Variants in ATP9B observed in about 807,000 individuals in gnomAD.
ATP9B encodes probable phospholipid-transporting ATPase IIB.
ATP9B carries 110 observed loss-of-function variants against 146.1 expected under a neutral mutation model. The observed-to-expected ratio is 0.75, with a 90% CI of 0.65 to 0.88. The LOEUF (loss-of-function observed/expected upper bound fraction) is 0.88. ATP9B is among the 40% of genes least tolerant of loss of function. The pLI is 0.00. For synonymous variants in ATP9B, 604 were observed against 569.7 expected (o/e 1.06, Z -0.86); for missense variants, 1,499 against 1,496.4 (o/e 1.00, Z -0.03).
chr18:79,343,963 T>C, intron 20 of ATP9B: 2 of 461,864 alleles, frequency 4.3e-6, no homozygotes, highest in South Asian at 4.7e-5. Flanking sequence ...TATTAACTCA[T>C]AGGCACCCTT....
intron 8 of ATP9B, among the ~76,000 whole-genome samples, chr18:79,177,756 C>G (rs1186661856): frequency 2.0e-5 from 3 of 152,112 alleles, no homozygotes; most frequent in Admixed American, 6.5e-5. Context: ...CTCACATGGA[C>G]TTCATTAGCC....
At chr18:79,123,955 A>G (rs760860111) in intron 4 of ATP9B, among the ~76,000 whole-genome samples, 3 of 152,242 alleles carry the variant, frequency 2.0e-5, no homozygotes, top group Non-Finnish European at 4.4e-5. Context: ...AGTTAAAACC[A>G]GAGATACTAC....
chr18:79,128,305 G>A (rs1384695686), intron 5 of ATP9B, among the ~76,000 whole-genome samples: 1 of 152,076 alleles, frequency 6.6e-6, no homozygotes. Context: ...TGATCCACCC[G>A]CCTTGGCTTC....
At chr18:79,160,821 GAGTGC>G (rs1316270068) in intron 7 of ATP9B, among the ~76,000 whole-genome samples, 1 of 152,102 alleles carries the variant, frequency 6.6e-6, no homozygotes, top group African/African-American at 2.4e-5. Context: ...ACCCAGGCTG[GAGTGC>G]AGTGGCGCGA....
intron 6 of ATP9B, among the ~76,000 whole-genome samples, chr18:79,154,059 C>T (rs531626424): frequency 4.1e-4 from 62 of 151,084 alleles, no homozygotes; most frequent in African/African-American, 1.2e-3. Flanking sequence ...CCCGGGTTCA[C>T]GCCATTCTCC....
intron 7 of ATP9B, among the ~76,000 whole-genome samples, chr18:79,155,828 T>G (rs1364594651): frequency 7.0e-6 from 1 of 143,242 alleles, no homozygotes; most frequent in East Asian, 2.2e-4. Context: ...AGTGGTGCGA[T>G]CTCCGCTCAC....
At chr18:79,329,880 G>T (rs1337065037) in intron 16 of ATP9B, 132 bp from the exon 17 acceptor site, 2 of 768,342 alleles carry the variant, frequency 2.6e-6, no homozygotes, top group Admixed American at 4.2e-5. Flanking sequence ...AGAAACACGT[G>T]TGAGGAGCTT....
At chr18:79,346,186 C>T (rs1018803335) in intron 23 of ATP9B, among the ~76,000 whole-genome samples, 28 of 150,218 alleles carry the variant, frequency 1.9e-4, no homozygotes, top group Admixed American at 5.3e-4. Context: ...ACGTGCTCAG[C>T]GCACAGTCAG....
Position 79,097,956 on chromosome 18 carries a change from A to C in ATP9B, c.293+1307A>C, listed in dbSNP as rs554593238. ...AGATCCCTGAGGAATCGCCACACTG[A>C]CTTCCACAATGGTTGAACTAGTTTA... On this transcript the variant is annotated intron_variant, in intron 2 of 29. Transcript: ENST00000426216. Among the ~76,000 whole-genome samples, 10 of 152,138 alleles carry C rather than the reference A, an allele frequency of 6.6e-5. No individual in the cohort carries two copies. In the East Asian group the frequency reaches 1.9e-3, roughly 29 times the overall value.
At chr18:79,279,458 T>A (rs1050408991) in intron 13 of ATP9B, among the ~76,000 whole-genome samples, 1 of 152,164 alleles carries the variant, frequency 6.6e-6, no homozygotes, top group Non-Finnish European at 1.5e-5. Flanking sequence ...TAGCAAAATA[T>A]GAACAACCGT....
chr18:79,194,976 G>A (rs557310262), intron 9 of ATP9B, among the ~76,000 whole-genome samples: 5 of 152,252 alleles, frequency 3.3e-5, no homozygotes, highest in Admixed American at 6.5e-5. Flanking sequence ...TGGAAGTGAC[G>A]TTGGGGGAAT....
chr18:79,226,115 C>T (rs1391212564), intron 11 of ATP9B, among the ~76,000 whole-genome samples: 1 of 152,250 alleles, frequency 6.6e-6, no homozygotes, highest in African/African-American at 2.4e-5. Flanking sequence ...TCACCCAGTT[C>T]ACGACAGTGG....
chr18:79,215,210 A>G lies in ATP9B; in HGVS notation c.1107+1172A>G, dbSNP rs145650451. On this transcript the variant is annotated intron_variant, in intron 11 of 29. Coordinates refer to ENST00000426216, the MANE Select transcript of ATP9B (RefSeq NM_198531.5). ...TATTCCATTTTTTCAGGTAAATGTT[A>G]TTTTAAAAATGGTTAACTCTTCAAA... Among the ~76,000 whole-genome samples the G allele has an allele frequency of 2.4e-3, 359 of 151,484 alleles. 2 individuals are homozygous for G. Among genetic ancestry groups the G allele is most frequent in the South Asian group, 6.3e-3 (30 of 4,780 alleles).
At chr18:79,271,882 A>C (rs935476160) in intron 12 of ATP9B, among the ~76,000 whole-genome samples, 1 of 152,108 alleles carries the variant, frequency 6.6e-6, no homozygotes, top group Non-Finnish European at 1.5e-5. Context: ...CTATTTCTCC[A>C]CATCCTCTCC....
chr18:79,346,440 C>T (rs2096888234), intron 23 of ATP9B, among the ~76,000 whole-genome samples: 1 of 151,374 alleles, frequency 6.6e-6, no homozygotes, highest in African/African-American at 2.4e-5. Flanking sequence ...AGCACGTGCT[C>T]AGCGCACAGT....
chr18:79,349,489 T>C (rs911092433), intron 25 of ATP9B, among the ~76,000 whole-genome samples: 10 of 152,222 alleles, frequency 6.6e-5, no homozygotes, highest in Non-Finnish European at 1.5e-4. Flanking sequence ...ACGCAGCCAC[T>C]GAGCTTACCC....
chr18:79,072,405 C>T (rs1412118581), intron 1 of ATP9B, among the ~76,000 whole-genome samples: 4 of 152,112 alleles, frequency 2.6e-5, no homozygotes, highest in African/African-American at 4.8e-5. Context: ...CATCTTGCAC[C>T]GCCCTTAATC....
At chr18:79,321,684 T>C (rs2096717113) in intron 15 of ATP9B, among the ~76,000 whole-genome samples, 1 of 152,246 alleles carries the variant, frequency 6.6e-6, no homozygotes. Flanking sequence ...ATCTTCAAGA[T>C]GATTACAAAT....
Position 79,141,952 on chromosome 18 carries a change from T to C in ATP9B, c.668-1850T>C, listed in dbSNP as rs117346573. ...CTCTGTCCAGTGCCTTAAATGTTCT[T>C]TGGCAAAGAGGACAGCAAATAAGTT... is the stretch of plus-strand genomic sequence containing the variant. On this transcript the variant is annotated intron_variant, in intron 5 of 29. Transcript: ENST00000426216. Among the ~76,000 whole-genome samples the C allele has an allele frequency of 2.1e-3, 313 of 152,336 alleles. 3 individuals carry two copies. In the East Asian group the frequency reaches 0.031, roughly 15 times the overall value.
Sources: gnomAD v4.1 joint callset for allele counts (sites outside exome capture counted in the v4.1 genomes callset) on GRCh38, gnomAD v4.1.1 for gene constraint, MANE v1.5 for transcripts, NCBI Gene and HGNC (gene_info 2026-07-23, HGNC 2026-07-21) for gene names.